The following NRXN1 variants were observed in gnomAD, a reference collection of about 807,000 sequenced individuals.
The protein encoded by NRXN1 is neurexin-1.
NRXN1 carries 39 observed loss-of-function variants against 150.9 expected under a neutral mutation model. The ratio of observed to expected loss-of-function variants is 0.26; its 90% CI spans 0.20 to 0.34. NRXN1 has a LOEUF of 0.34. NRXN1 is among the 10% of genes least tolerant of loss of function. The pLI is 1.00. For synonymous variants in NRXN1, 924 were observed against 757.0 expected (o/e 1.22, Z -3.62); for missense variants, 1,815 against 1,949.9 (o/e 0.93, Z 1.30).
intron 17 of NRXN1, among the ~76,000 whole-genome samples, chr2:50,339,117 A>T (rs1416184609): frequency 6.6e-6 from 1 of 152,210 alleles, no homozygotes; most frequent in Non-Finnish European, 1.5e-5. Flanking sequence ...AAAAACCATG[A>T]TTATCATGGC....
At chr2:50,173,822 T>C (rs2060175153) in intron 18 of NRXN1, among the ~76,000 whole-genome samples, 1 of 152,188 alleles carries the variant, frequency 6.6e-6, no homozygotes, top group African/African-American at 2.4e-5. Flanking sequence ...AAAGGTCATG[T>C]AACAAGTAGT....
At chr2:50,746,539 C>A (rs568340376) in intron 5 of NRXN1, among the ~76,000 whole-genome samples, 1 of 150,264 alleles carries the variant, frequency 6.7e-6, no homozygotes, top group African/African-American at 2.5e-5. Flanking sequence ...GCCTGGGCAA[C>A]AGAGCAAGAC....
intron 17 of NRXN1, among the ~76,000 whole-genome samples, chr2:50,275,218 T>C (rs927929563): frequency 6.6e-6 from 1 of 152,134 alleles, no homozygotes; most frequent in Non-Finnish European, 1.5e-5. Flanking sequence ...GGGAAATAAA[T>C]GAACAGTCAC....
chr2:50,915,307 A>G (rs891104204), intron 5 of NRXN1, among the ~76,000 whole-genome samples: 2 of 151,644 alleles, frequency 1.3e-5, no homozygotes, highest in African/African-American at 4.8e-5. Flanking sequence ...TGAAGTCATT[A>G]GTATGGCAAA....
At chr2:50,446,928 C>T (rs529641399) in intron 17 of NRXN1, among the ~76,000 whole-genome samples, 4 of 152,102 alleles carry the variant, frequency 2.6e-5, no homozygotes, top group African/African-American at 9.6e-5. Context: ...GGGAAAGTGC[C>T]CTGCATATTT....
In NRXN1 at chr2:50,266,157, C is replaced by T. The variant is rs374405113; in HGVS notation, c.3365-29187G>A. ...GGGATTACAGGCATGCACCACAACG[C>T]CCAGGTAATTTTTGTAGTTTTAGTA... On this transcript the variant is annotated intron_variant, in intron 17 of 22. Coordinates refer to ENST00000401669, the MANE Select transcript of NRXN1 (RefSeq NM_001330078.2). 2.9e-4 allele frequency among the ~76,000 whole-genome samples: 43 copies of T among 149,842 alleles called. 1 individual carries two copies. The South Asian group carries it at 5.7e-3, about 20-fold the overall frequency.
intron 5 of NRXN1, among the ~76,000 whole-genome samples, chr2:50,707,556 C>A (rs548969481): frequency 6.6e-6 from 1 of 152,114 alleles, no homozygotes; most frequent in Non-Finnish European, 1.5e-5. Context: ...AGCTTTTTAT[C>A]ATTTCAAAAC....
In NRXN1 at chr2:51,028,059, T is replaced by G; in HGVS notation, c.215A>C (p.Asp72Ala). The G allele has an allele frequency of 6.3e-7, 1 of 1,598,148 alleles. No homozygotes were observed. Among genetic ancestry groups the G allele is most frequent in the Non-Finnish European group, 8.5e-7 (1 of 1,176,244 alleles). ...SARGLVLYFD[D>A]EGFCDFLELI... is the part of the protein sequence containing the mutation. Reference sequence around the variant, plus strand: ...CTCCAGGAAGTCGCAGAAGCCCTCGTCGTCGAAGTAGAGCACGAGGCCGCG... The same window carrying G: ...CTCCAGGAAGTCGCAGAAGCCCTCGGCGTCGAAGTAGAGCACGAGGCCGCG... The change falls in exon 2 of 23, where the codon GAC becomes GCC. Residue 72 changes from aspartate (D) to alanine (A), a missense_variant. Physicochemically the swap from Asp to Ala is moderately radical, Grantham distance 126. Transcript: ENST00000401669.
chr2:50,623,806 T>C (rs1680494217), intron 5 of NRXN1, among the ~76,000 whole-genome samples, 191 bp from the exon 6 acceptor site: 1 of 152,084 alleles, frequency 6.6e-6, no homozygotes, highest in Non-Finnish European at 1.5e-5. Flanking sequence ...ATTATTATAC[T>C]TTAAGTTTTA....
At chr2:50,094,607 G>T (rs1173419079) in intron 18 of NRXN1, among the ~76,000 whole-genome samples, 2 of 152,118 alleles carry the variant, frequency 1.3e-5, no homozygotes, top group Non-Finnish European at 2.9e-5. Flanking sequence ...CAAGCAAAGA[G>T]ATATTGATGT....
At chr2:50,823,771 G>T (rs1574605207) in intron 5 of NRXN1, among the ~76,000 whole-genome samples, 1 of 152,158 alleles carries the variant, frequency 6.6e-6, no homozygotes, top group Non-Finnish European at 1.5e-5. Context: ...CTTGATATAA[G>T]TAAGCACACA....
chr2:50,569,288 G>C (rs1670309513), intron 8 of NRXN1, among the ~76,000 whole-genome samples: 1 of 152,026 alleles, frequency 6.6e-6, no homozygotes, highest in Non-Finnish European at 1.5e-5. Context: ...AACTAAAAGA[G>C]TGTAATTGGA....
At chr2:50,377,599 A>C (rs994526716) in intron 17 of NRXN1, among the ~76,000 whole-genome samples, 1 of 152,114 alleles carries the variant, frequency 6.6e-6, no homozygotes, top group African/African-American at 2.4e-5. Context: ...CCCACATACT[A>C]AACGCTGAAT....
chr2:50,327,407 G>A (rs902190088), intron 17 of NRXN1, among the ~76,000 whole-genome samples: 4 of 152,154 alleles, frequency 2.6e-5, no homozygotes, highest in African/African-American at 9.7e-5. Flanking sequence ...TAGCTTGAGA[G>A]TCACTTCCTA....
chr2:50,282,654 C>A (rs1258839514), intron 17 of NRXN1, among the ~76,000 whole-genome samples: 1 of 152,110 alleles, frequency 6.6e-6, no homozygotes, highest in East Asian at 1.9e-4. Flanking sequence ...TTGGGTCATA[C>A]TGTTGACTTC....
intron 5 of NRXN1, chr2:50,758,130 A>T (rs529940043): frequency 1.8e-4 from 28 of 152,010 alleles, no homozygotes; most frequent in African/African-American, 6.5e-4. Flanking sequence ...GAAAATTTCA[A>T]GTTTCTCTAA....
At chr2:50,707,040 T>C (rs539937827) in intron 5 of NRXN1, among the ~76,000 whole-genome samples, 2 of 152,292 alleles carry the variant, frequency 1.3e-5, no homozygotes, top group African/African-American at 4.8e-5. Flanking sequence ...TTGTTGGGTA[T>C]ATGCAGCTGT....
At chr2:50,110,285 T>C (rs1702201574) in intron 18 of NRXN1, among the ~76,000 whole-genome samples, 1 of 151,622 alleles carries the variant, frequency 6.6e-6, no homozygotes, top group Non-Finnish European at 1.5e-5. Flanking sequence ...GGTCAGGAAA[T>C]CGAGACCATC....
chr2:50,019,253 G>A (rs1687106855), intron 21 of NRXN1: 1 of 471,452 alleles, frequency 2.1e-6, no homozygotes, highest in Admixed American at 2.3e-5. Flanking sequence ...TCTTATTTGG[G>A]TTTTGGCCTG....
Sources: gnomAD v4.1 joint callset for allele counts (sites outside exome capture counted in the v4.1 genomes callset) on GRCh38, gnomAD v4.1.1 for gene constraint, MANE v1.5 for transcripts, NCBI Gene and HGNC (gene_info 2026-07-23, HGNC 2026-07-21) for gene names.